The following ABCA2 variants were observed in gnomAD, a reference collection of about 807,000 sequenced individuals.
The protein encoded by ABCA2 is ATP-binding cassette sub-family A member 2.
Under a neutral mutation model 262.8 loss-of-function variants are expected in ABCA2, and 84 were observed. The ratio of observed to expected loss-of-function variants is 0.32; its 90% CI spans 0.27 to 0.38. The LOEUF (loss-of-function observed/expected upper bound fraction) is 0.38. Ranked by LOEUF, ABCA2 falls within the 10% of genes least tolerant of loss-of-function variation. ABCA2 has a pLI of 1.00. For synonymous variants in ABCA2, 1,696 were observed against 1,502.9 expected (o/e 1.13, Z -2.97); for missense variants, 2,662 against 3,405.9 (o/e 0.78, Z 5.44).
rs544863894 is a variant in ABCA2 at position 137,011,150 on chromosome 9, C to A, written c.5923+36G>T. ...GGCCTGTGCTCTGGGCCTTGCGGGGCCCCCACCGCCTTCCCCGCCCCACGG... is the reference window on the plus strand; with the variant it reads ...GGCCTGTGCTCTGGGCCTTGCGGGGACCCCACCGCCTTCCCCGCCCCACGG... On this transcript the variant is annotated intron_variant, in intron 38 of 48. Transcript: ENST00000341511. This position sits in a 1 kb window ranked among gnomAD's most constrained non-coding sequence, Gnocchi z 8.8. 1 of 1,612,068 alleles carries A rather than the reference C, an allele frequency of 6.2e-7. No homozygotes were observed. Among genetic ancestry groups the A allele is most frequent in the South Asian group, 1.1e-5 (1 of 91,054 alleles).
chr9:137,018,372 C>A, intron 13 of ABCA2, 21 bp from the exon 14 acceptor site: 1 of 415,460 alleles, frequency 2.4e-6, no homozygotes, highest in Non-Finnish European at 3.4e-6. Context: ...GAGGTTGGGG[C>A]GGGGCCAAGA....
rs1404683602 is a variant in ABCA2 at position 137,011,402 on chromosome 9, C to T, written c.5799+5G>A. The T allele has an allele frequency of 3.1e-6, 5 of 1,610,012 alleles. No homozygotes were observed. Among genetic ancestry groups the T allele is most frequent in the Non-Finnish European group, 4.2e-6 (5 of 1,178,720 alleles). ...GCCACCCCCACCATGTCGTCACCGC[C>T]CCACCTTGTCGTGCTCGAAGAGCTG... On this transcript the variant is annotated splice_donor_5th_base_variant and intron_variant, in intron 37 of 48. Coordinates refer to ENST00000341511, the MANE Select transcript of ABCA2 (RefSeq NM_001606.5). This position sits in a 1 kb window ranked among gnomAD's most constrained non-coding sequence, Gnocchi z 8.8.
rs2271862 is a variant in ABCA2, at chr9:137,011,907, G to T, written c.5472C>A (p.His1824Gln). 1 of 1,611,680 alleles carries T rather than the reference G, an allele frequency of 6.2e-7. No homozygotes were observed. Among genetic ancestry groups the T allele is most frequent in the Non-Finnish European group, 8.5e-7 (1 of 1,179,464 alleles). ...LVAEKSTKAK[H>Q]LQFVSGCNPI... ...GGTTGCAGCCGCTGACAAACTGCAG[G>T]TGCTTGGCCTTGGTGGACTTCTCGG... The change falls in exon 35 of 49, where the codon CAC becomes CAA. Residue 1824 changes from histidine (H) to glutamine (Q), a missense_variant. By Grantham distance (24) the His-to-Gln change is conservative (BLOSUM62 0). Coordinates refer to ENST00000341511, the MANE Select transcript of ABCA2 (RefSeq NM_001606.5). The surrounding 1 kb of genome is among the most constrained non-coding windows in gnomAD (Gnocchi z 8.8).
Position 137,017,814 on chromosome 9 carries a change from C to T in ABCA2, c.2184G>A (p.Val728=). The part of the protein sequence containing the change: ...YSVAMTIQHI[V]AEKEHRLKEV... ...CCTTGAGCCGGTGCTCCTTCTCCGC[C>T]ACGATGTGCTGGATGGTCATGGCCA... The change falls in exon 16 of 49, where the codon GTG becomes GTA. Residue 728 remains valine, a synonymous_variant. Coordinates refer to ENST00000341511, the MANE Select transcript of ABCA2 (RefSeq NM_001606.5). The T allele has an allele frequency of 1.2e-6, 2 of 1,612,568 alleles. No homozygotes were observed. The highest frequency in any genetic ancestry group is 1.7e-6 in the Non-Finnish European group (2 of 1,179,828).
rs756672769 is a variant in ABCA2, at chr9:137,015,618, G to A, written c.3515-22C>T. ...CGGCCTAGGACAAGGCCAGACCCAGGGTCAGGGGGCAGGGGAGGCGCCGCC... is the reference window on the plus strand; with the variant it reads ...CGGCCTAGGACAAGGCCAGACCCAGAGTCAGGGGGCAGGGGAGGCGCCGCC... On this transcript the variant is annotated intron_variant, in intron 23 of 48. Coordinates refer to ENST00000341511, the MANE Select transcript of ABCA2 (RefSeq NM_001606.5). 3.7e-6 allele frequency: 6 copies of A among 1,611,892 alleles called. No individual in the cohort carries two copies. In the African/African-American group the frequency reaches 5.3e-5, roughly 14 times the overall value.
At position 137,019,383 on chromosome 9, in the gene ABCA2, C is replaced by A; in HGVS notation, c.1426-77G>T. The A allele has an allele frequency of 6.5e-7, 1 of 1,544,176 alleles. No homozygotes were observed. The highest frequency in any genetic ancestry group is 8.8e-7 in the Non-Finnish European group (1 of 1,136,556). ...TTGGGGGCTCTCACCCCACTCACCT[C>A]CCCAGTGGCTGGTCCATTGCCAACA... On this transcript the variant is annotated intron_variant, in intron 10 of 48. Coordinates refer to ENST00000341511, the MANE Select transcript of ABCA2 (RefSeq NM_001606.5). The surrounding 1 kb of genome is among the most constrained non-coding windows in gnomAD (Gnocchi z 4.4).
chr9:137,025,111 C>G (rs1238949595), intron 1 of ABCA2, among the ~76,000 whole-genome samples: 5 of 152,222 alleles, frequency 3.3e-5, no homozygotes, highest in Non-Finnish European at 7.3e-5. Flanking sequence ...TCTCCTGACC[C>G]GGGGCAGCCA....
chr9:137,015,933 C>CGGGGGGGGGGGGGGGGGG, intron 22 of ABCA2, 29 bp downstream of exon 22: 1 of 1,500,316 alleles, frequency 6.7e-7, no homozygotes, highest in Non-Finnish European at 9.0e-7. Flanking sequence ...CTCCGCCCAC[C>CGGGGGGGGGGGGGGGGGG]TGCCCCGCCC....
intron 4 of ABCA2, 31 bp from the exon 5 acceptor site, chr9:137,022,896 G>A: frequency 6.4e-7 from 1 of 1,567,152 alleles, no homozygotes; most frequent in Non-Finnish European, 8.7e-7. Context: ...CTCACTGGAT[G>A]GGCTGGGGAG....
At chr9:137,014,840 G>T (rs780037296) in intron 25 of ABCA2, 30 bp from the exon 26 acceptor site, 1 of 1,588,624 alleles carries the variant, frequency 6.3e-7, no homozygotes, top group Non-Finnish European at 8.6e-7. Flanking sequence ...GGAGGCTGCG[G>T]CAGGGACGCC....
chr9:137,017,173 G>A (rs200670915), intron 18 of ABCA2, 23 bp downstream of exon 18: 33 of 1,611,492 alleles, frequency 2.0e-5, no homozygotes, highest in Admixed American at 1.7e-4. Flanking sequence ...CACCCCAGCC[G>A]CCCGCCTGCC....
At position 137,007,269 on chromosome 9, in the gene ABCA2, G is replaced by A. The variant is rs1363294431; in HGVS notation, c.*660C>T. Reference sequence around the variant, plus strand: ...TTATTTATTTAAAACAAACATCTGTGCGCTATGTACAGGCCCGGCTCCCAG... The same window carrying A: ...TTATTTATTTAAAACAAACATCTGTACGCTATGTACAGGCCCGGCTCCCAG... On this transcript the variant is annotated 3_prime_UTR_variant, in exon 49 of 49. Coordinates refer to ENST00000341511, the MANE Select transcript of ABCA2 (RefSeq NM_001606.5). 1 of 153,942 alleles carries A rather than the reference G, an allele frequency of 6.5e-6. No homozygotes were observed. Among genetic ancestry groups the A allele is most frequent in the African/African-American group, 2.4e-5 (1 of 41,414 alleles). The allele number at this position is 153,942 out of a possible 1,614,324, so 9.5% of individuals were successfully genotyped here.
At chr9:137,025,662 C>T (rs777746450) in intron 1 of ABCA2, among the ~76,000 whole-genome samples, 2 of 152,250 alleles carry the variant, frequency 1.3e-5, no homozygotes, top group Non-Finnish European at 2.9e-5. Context: ...CACCAACAGG[C>T]ACCAGGGCGA....
intron 28 of ABCA2, 27 bp downstream of exon 28, chr9:137,013,805 A>C (rs1325501759): frequency 6.3e-7 from 1 of 1,578,894 alleles, no homozygotes. Context: ...AGGCAAGCCC[A>C]GCACCCCTGT....
intron 24 of ABCA2, 116 bp from the exon 25 acceptor site, chr9:137,015,213 C>A: frequency 1.5e-6 from 2 of 1,293,164 alleles, no homozygotes; most frequent in Non-Finnish European, 2.1e-6. Flanking sequence ...CAGGCCCCAG[C>A]AGGTATCCTG....
chr9:137,015,305 T>TGGGCCCAGCGGGTGACGGTGA, intron 24 of ABCA2, 109 bp downstream of exon 24: 1 of 1,364,582 alleles, frequency 7.3e-7, no homozygotes, highest in Non-Finnish European at 9.8e-7. Context: ...GCAGGCATCC[T>TGGGCCCAGCGGGTGACGGTGA]GGGCCCAGCG....
In ABCA2 at chr9:137,007,713, C is replaced by T. The variant is rs1034081856; in HGVS notation, c.*216G>A. The stretch of plus-strand genomic sequence containing the variant: ...AAGCAGGGCAAGGGTGTACGCAGCC[C>T]GGGCCGGGTCAGCCTTTGGCACAAT... On this transcript the variant is annotated 3_prime_UTR_variant, in exon 49 of 49. Transcript: ENST00000341511. 1.4e-4 allele frequency: 94 copies of T among 660,466 alleles called. No individual in the cohort carries two copies. Among genetic ancestry groups the T allele is most frequent in the African/African-American group, 1.4e-3 (77 of 55,628 alleles). The allele number at this position is 660,466 out of a possible 1,614,324, so 40.9% of individuals were successfully genotyped here. A position where few individuals can be genotyped will look rare whatever the true frequency, so the allele number is the denominator to read the frequency against.
At position 137,017,160 on chromosome 9, in the gene ABCA2, C is replaced by G. The variant is rs556672479; in HGVS notation, c.2553+36G>C. ...AGTGGTGTCAGCACGTGGGGTGGCC[C>G]GGCACCCCAGCCGCCCGCCTGCCCG... On this transcript the variant is annotated intron_variant, in intron 18 of 48. Coordinates refer to ENST00000341511, the MANE Select transcript of ABCA2 (RefSeq NM_001606.5). 3.1e-6 allele frequency: 5 copies of G among 1,611,634 alleles called. No individual in the cohort carries two copies. In the Admixed American group the frequency reaches 8.3e-5, roughly 27 times the overall value.
intron 9 of ABCA2, 32 bp from the exon 10 acceptor site, chr9:137,020,527 C>T (rs544825917): frequency 8.3e-6 from 13 of 1,559,352 alleles, no homozygotes; most frequent in South Asian, 4.7e-5. Flanking sequence ...CGGGCCAGGC[C>T]GTTAGGGGGC....
Sources: gnomAD v4.1 joint callset for allele counts (sites outside exome capture counted in the v4.1 genomes callset) on GRCh38, gnomAD v4.1.1 for gene constraint, Gnocchi (gnomAD v3.1) non-coding constraint, MANE v1.5 for transcripts, NCBI Gene and HGNC (gene_info 2026-07-23, HGNC 2026-07-21) for gene names.